P4HA2: variants seen among roughly 807,000 people sequenced by gnomAD.
P4HA2 encodes prolyl 4-hydroxylase subunit alpha 2.
Under a neutral mutation model 76.9 loss-of-function variants are expected in P4HA2, and 46 were observed. The ratio of observed to expected loss-of-function variants is 0.60; its 90% CI spans 0.47 to 0.76. The LOEUF (loss-of-function observed/expected upper bound fraction) is 0.76, where lower values mean the gene tolerates loss of function less well. Ranked by LOEUF, P4HA2 falls within the 30% of genes least tolerant of loss-of-function variation. The probability of loss-of-function intolerance (pLI) is 0.00; values close to 1 mark genes in which losing one functional copy is unlikely to be tolerated. For synonymous variants in P4HA2, 243 were observed against 254.0 expected (o/e 0.96, Z 0.41); for missense variants, 583 against 669.4 (o/e 0.87, Z 1.42).
In P4HA2 at chr5:132,191,417, C is replaced by A. The variant is rs1451872858; in HGVS notation, c.*1593G>T. ...GTCCCAGCTACTTGGGAGGCTGAGG[C>A]AGGAGAATGGCGTGAACCCGGGAGG... On this transcript the variant is annotated 3_prime_UTR_variant, in exon 15 of 15. Transcript: ENST00000360568. Among the ~76,000 whole-genome samples, 1 of 147,048 alleles carries A rather than the reference C, an allele frequency of 6.8e-6. No homozygotes were observed. Among genetic ancestry groups the A allele is most frequent in the Non-Finnish European group, 1.5e-5 (1 of 67,016 alleles).
At chr5:132,194,722 G>C (rs1580636785) in intron 14 of P4HA2, among the ~76,000 whole-genome samples, 1 of 152,202 alleles carries the variant, frequency 6.6e-6, no homozygotes, top group African/African-American at 2.4e-5. Context: ...GTGTATCTCT[G>C]AGTGTTTCCA....
chr5:132,203,552 ATTTGT>A, intron 10 of P4HA2, 191 bp downstream of exon 10: 1 of 583,080 alleles, frequency 1.7e-6, no homozygotes, highest in Admixed American at 2.9e-5. Context: ...CTCAATAGAT[ATTTGT>A]TGAACACTAA....
At chr5:132,220,392 T>G (rs1257544670) in intron 1 of P4HA2, among the ~76,000 whole-genome samples, 2 of 152,198 alleles carry the variant, frequency 1.3e-5, no homozygotes, top group Non-Finnish European at 2.9e-5. Flanking sequence ...GCTGGGAGGA[T>G]GTATCTGTGA....
intron 4 of P4HA2, among the ~76,000 whole-genome samples, chr5:132,216,692 C>G (rs7703009): frequency 0.35 from 52,600 of 152,032 alleles, 10,140 homozygotes; most frequent in Non-Finnish European, 0.45. Flanking sequence ...CCCAACTTGC[C>G]CTGGCCCCAC....
At chr5:132,206,242 T>C (rs971490959) in intron 8 of P4HA2, among the ~76,000 whole-genome samples, 2 of 152,200 alleles carry the variant, frequency 1.3e-5, no homozygotes, top group African/African-American at 4.8e-5. Context: ...CAGGAAATCC[T>C]GGCACAACCA....
chr5:132,209,428 C>T, intron 6 of P4HA2, 97 bp from the exon 7 acceptor site: 1 of 972,564 alleles, frequency 1.0e-6, no homozygotes, highest in Non-Finnish European at 1.6e-6. Flanking sequence ...CCCAGCAGCT[C>T]ACCTGCATGC....
At chr5:132,209,106 C>T in intron 7 of P4HA2, 32 bp downstream of exon 7, 1 of 1,559,316 alleles carries the variant, frequency 6.4e-7, no homozygotes, top group Admixed American at 1.8e-5. Flanking sequence ...AGGTCCACAG[C>T]TTTGGCACCC....
At position 132,209,285 on chromosome 5, in the gene P4HA2, C is replaced by G; in HGVS notation, c.756G>C (p.Gln252His). 1 of 1,614,196 alleles carries G rather than the reference C, an allele frequency of 6.2e-7. No individual in the cohort carries two copies. Among genetic ancestry groups the G allele is most frequent in the South Asian group, 1.1e-5 (1 of 91,084 alleles). Reference protein sequence around the residue: ...RAGGNLRYFEQLLEEEREKTL... With the variant: ...RAGGNLRYFEHLLEEEREKTL... Reference sequence around the variant, plus strand: ...TTTTTTCTCTCTCTTCCTCCAATAACTGCTCAAAGTACCGCAGATTCCCTC... The same window carrying G: ...TTTTTTCTCTCTCTTCCTCCAATAAGTGCTCAAAGTACCGCAGATTCCCTC... Residue 252 changes from glutamine (Q) to histidine (H), a missense_variant, in exon 7 of 15, where the codon CAG becomes CAC. Coordinates refer to ENST00000360568, the MANE Select transcript of P4HA2 (RefSeq NM_001017974.2).
At chr5:132,207,075 T>C (rs1752303197) in intron 8 of P4HA2, among the ~76,000 whole-genome samples, 1 of 152,200 alleles carries the variant, frequency 6.6e-6, no homozygotes, top group African/African-American at 2.4e-5. Flanking sequence ...AAACATTAGC[T>C]CTTACTATGA....
chr5:132,206,474 G>A (rs1752230044), intron 8 of P4HA2, among the ~76,000 whole-genome samples: 1 of 152,134 alleles, frequency 6.6e-6, no homozygotes, highest in Non-Finnish European at 1.5e-5. Context: ...CATGAGTGTC[G>A]GGCCTCCTGG....
chr5:132,195,124 A>G (rs1434271781), intron 13 of P4HA2, 102 bp from the exon 14 acceptor site: 14 of 796,112 alleles, frequency 1.8e-5, no homozygotes. Context: ...AAACACCCTC[A>G]TTTTCCCATG....
chr5:132,199,617 A>G (rs1275919198), intron 10 of P4HA2: 2 of 152,284 alleles, frequency 1.3e-5, no homozygotes, highest in Non-Finnish European at 2.9e-5. Flanking sequence ...ACAGCTTATC[A>G]GCACAATGGG....
chr5:132,195,604 C>G (rs1750519745), intron 12 of P4HA2, 124 bp from the exon 13 acceptor site: 3 of 732,186 alleles, frequency 4.1e-6, no homozygotes, highest in Non-Finnish European at 7.3e-6. Context: ...TACTTGGTGT[C>G]TGCTCCATGG....
chr5:132,200,798 A>C (rs1374934141), intron 10 of P4HA2: 2 of 152,174 alleles, frequency 1.3e-5, no homozygotes, highest in Non-Finnish European at 2.9e-5. Context: ...CAATACTTCC[A>C]CTTGTTAAAT....
At chr5:132,211,884 A>C (rs1181570579) in intron 5 of P4HA2, among the ~76,000 whole-genome samples, 5 of 152,380 alleles carry the variant, frequency 3.3e-5, no homozygotes, top group Non-Finnish European at 7.3e-5. Flanking sequence ...GAATTCAATA[A>C]GATGACATAT....
chr5:132,214,234 T>A (rs974583489), intron 4 of P4HA2, among the ~76,000 whole-genome samples, 181 bp from the exon 5 acceptor site: 1 of 151,572 alleles, frequency 6.6e-6, no homozygotes, highest in African/African-American at 2.4e-5. Context: ...CTATGGGGAC[T>A]TTTCCTTTCT....
chr5:132,222,856 C>A (rs781766295), intron 1 of P4HA2, among the ~76,000 whole-genome samples: 1 of 152,212 alleles, frequency 6.6e-6, no homozygotes, highest in Non-Finnish European at 1.5e-5. Flanking sequence ...AATGAAGTAG[C>A]AGAGAAGGCT....
intron 13 of P4HA2, 144 bp downstream of exon 13, chr5:132,195,268 A>G (rs1750464560): frequency 1.4e-6 from 1 of 694,756 alleles, no homozygotes; most frequent in East Asian, 2.7e-5. Context: ...CACAGGGAGA[A>G]GCTGGGCTAC....
At chr5:132,193,591 AT>A (rs1750162279) in intron 14 of P4HA2, 1 of 152,284 alleles carries the variant, frequency 6.6e-6, no homozygotes, top group African/African-American at 2.4e-5. Context: ...AAGAGGCCTA[AT>A]ATTACTGGGA....
Sources: gnomAD v4.1 joint callset for allele counts (sites outside exome capture counted in the v4.1 genomes callset) on GRCh38, gnomAD v4.1.1 for gene constraint, MANE v1.5 for transcripts, NCBI Gene and HGNC (gene_info 2026-07-23, HGNC 2026-07-21) for gene names.